Variants in ZBTB7C observed in about 807,000 individuals in gnomAD.
ZBTB7C encodes zinc finger and BTB domain containing 7C, also known as zinc finger and BTB domain-containing protein 7C.
A neutral mutation model predicts 25.7 loss-of-function variants in ZBTB7C; 8 were observed. The ratio of observed to expected loss-of-function variants is 0.31; its 90% CI spans 0.18 to 0.56. ZBTB7C has a LOEUF of 0.56. Ranked by LOEUF, ZBTB7C falls within the 20% of genes least tolerant of loss-of-function variation. The probability of loss-of-function intolerance (pLI) is 0.91; values close to 1 mark genes in which losing one functional copy is unlikely to be tolerated. For synonymous variants in ZBTB7C, 394 were observed against 369.0 expected (o/e 1.07, Z -0.78); for missense variants, 824 against 855.2 (o/e 0.96, Z 0.46).
At chr18:48,083,689 C>A (rs772450087) in intron 3 of ZBTB7C, among the ~76,000 whole-genome samples, 1 of 152,138 alleles carries the variant, frequency 6.6e-6, no homozygotes, top group Non-Finnish European at 1.5e-5. Context: ...TGGGGCTTTA[C>A]TGCTCCATAC....
chr18:48,045,888 G>A (rs2036449311), intron 3 of ZBTB7C, among the ~76,000 whole-genome samples: 2 of 152,234 alleles, frequency 1.3e-5, no homozygotes, highest in South Asian at 4.1e-4. Context: ...CATGTTGTGA[G>A]GATGCTCAAG....
intron 2 of ZBTB7C, among the ~76,000 whole-genome samples, chr18:48,327,390 C>G (rs9960070): frequency 2.7e-4 from 41 of 152,196 alleles, no homozygotes; most frequent in Non-Finnish European, 4.6e-4. Flanking sequence ...CACAAATATA[C>G]GCTCATTTTA....
At chr18:48,116,030 TA>T (rs2039426932) in intron 3 of ZBTB7C, among the ~76,000 whole-genome samples, 1 of 152,026 alleles carries the variant, frequency 6.6e-6, no homozygotes, top group Non-Finnish European at 1.5e-5. Flanking sequence ...CGCGCCTATA[TA>T]TACATGCTAC....
intron 2 of ZBTB7C, among the ~76,000 whole-genome samples, chr18:48,275,063 T>G (rs970221745): frequency 2.6e-5 from 4 of 152,194 alleles, no homozygotes; most frequent in African/African-American, 9.7e-5. Context: ...TACGAAGTAC[T>G]TATTACTGGA....
chr18:48,120,233 A>C (rs1314651426), intron 3 of ZBTB7C, among the ~76,000 whole-genome samples: 6 of 151,994 alleles, frequency 3.9e-5, no homozygotes, highest in Non-Finnish European at 4.4e-5. Context: ...TCTGGGGGAG[A>C]AACTGTGTGG....
chr18:48,241,995 A>G (rs1166555538), intron 2 of ZBTB7C, among the ~76,000 whole-genome samples: 2 of 152,214 alleles, frequency 1.3e-5, no homozygotes, highest in African/African-American at 4.8e-5. Context: ...AATAAGCTCA[A>G]TTAGAAACGA....
intron 3 of ZBTB7C, among the ~76,000 whole-genome samples, chr18:48,112,820 G>A (rs937336138): frequency 1.6e-4 from 24 of 152,162 alleles, no homozygotes; most frequent in East Asian, 5.8e-4. Context: ...ATTGAGGATC[G>A]CATTCCAAGC....
rs537518093 is a variant in ZBTB7C, at chr18:48,027,203, C to G, written c.*2057G>C. On this transcript the variant is annotated 3_prime_UTR_variant, in exon 5 of 5. Coordinates refer to ENST00000590800, the MANE Select transcript of ZBTB7C (RefSeq NM_001318841.2). ...TTCTTGATCATACAGTACTCAACAT[C>G]TTTGGATATTTTACAATGTACAATT... 3 of 151,812 alleles carry G rather than the reference C, an allele frequency of 2.0e-5. No individual in the cohort carries two copies. In the East Asian group the frequency reaches 5.8e-4, roughly 29 times the overall value. 9.4% of individuals were successfully genotyped at this position (151,812 alleles called of 1,614,324 possible).
chr18:48,387,328 G>C (rs2047772017), intron 1 of ZBTB7C, among the ~76,000 whole-genome samples: 1 of 152,202 alleles, frequency 6.6e-6, no homozygotes. Context: ...GTGGATTAGA[G>C]AGGAGGAGAC....
chr18:48,054,467 G>A (rs2036834002), intron 3 of ZBTB7C, among the ~76,000 whole-genome samples: 1 of 152,096 alleles, frequency 6.6e-6, no homozygotes, highest in Non-Finnish European at 1.5e-5. Context: ...ACTCATCACA[G>A]GTGTAAGATG....
intron 3 of ZBTB7C, among the ~76,000 whole-genome samples, chr18:48,081,593 T>C (rs1290716103): frequency 6.6e-6 from 1 of 151,998 alleles, no homozygotes; most frequent in Non-Finnish European, 1.5e-5. Flanking sequence ...CTCTAAGTGA[T>C]TTCTTTACAA....
chr18:48,306,534 T>A (rs1308518115), intron 2 of ZBTB7C, among the ~76,000 whole-genome samples: 2 of 152,238 alleles, frequency 1.3e-5, no homozygotes, highest in Admixed American at 1.3e-4. Flanking sequence ...GCTCAATAAA[T>A]ATTTGTTGAA....
intron 3 of ZBTB7C, among the ~76,000 whole-genome samples, chr18:48,111,313 G>C (rs996134702): frequency 2.0e-5 from 3 of 152,194 alleles, no homozygotes; most frequent in Non-Finnish European, 4.4e-5. Flanking sequence ...GGAATGCTTG[G>C]ATTAGGGGAA....
chr18:48,038,645 C>A (rs533474233), intron 4 of ZBTB7C, among the ~76,000 whole-genome samples: 56 of 151,650 alleles, frequency 3.7e-4, no homozygotes, highest in African/African-American at 1.3e-3. Context: ...AAGCTTTGGG[C>A]CCACTGAGGA....
chr18:48,221,527 C>CCCCT, intron 2 of ZBTB7C, among the ~76,000 whole-genome samples: 1 of 144,164 alleles, frequency 6.9e-6, no homozygotes, highest in African/African-American at 2.6e-5. Context: ...TCTATTCTGT[C>CCCCT]ACCTAGTCTC....
intron 2 of ZBTB7C, among the ~76,000 whole-genome samples, chr18:48,294,416 T>C (rs759550591): frequency 6.6e-6 from 1 of 151,548 alleles, no homozygotes; most frequent in Non-Finnish European, 1.5e-5. Context: ...GCTCCCATTA[T>C]AACACAAGCC....
rs1348355221 is a variant in ZBTB7C at position 48,401,332 on chromosome 18, C to A, written c.-304+7894G>T. 3.3e-5 allele frequency among the ~76,000 whole-genome samples: 5 copies of A among 152,126 alleles called. 1 individual carries two copies. Among genetic ancestry groups the A allele is most frequent in the South Asian group, 4.1e-4 (2 of 4,828 alleles). ...ATAACAGTGGCTCCCCTGTATGGCT[C>A]CCCTCACTCTTTGTCGAGAGCTATT... On this transcript the variant is annotated intron_variant, in intron 1 of 4. Transcript: ENST00000590800.
intron 2 of ZBTB7C, among the ~76,000 whole-genome samples, chr18:48,257,323 A>G (rs980837318): frequency 2.6e-5 from 4 of 152,144 alleles, no homozygotes; most frequent in African/African-American, 9.6e-5. Flanking sequence ...TATATACCCA[A>G]TAACAGAGCT....
intron 3 of ZBTB7C, among the ~76,000 whole-genome samples, chr18:48,082,671 T>G (rs530955321): frequency 1.8e-4 from 28 of 152,196 alleles, no homozygotes; most frequent in Admixed American, 7.2e-4. Flanking sequence ...AACAGCAGAC[T>G]CTGAGTACCT....
Sources: allele counts gnomAD v4.1 joint callset (sites outside exome capture counted in the v4.1 genomes callset), GRCh38; gene constraint gnomAD v4.1.1; transcripts MANE v1.5; gene names NCBI Gene and HGNC (gene_info 2026-07-23, HGNC 2026-07-21).